Variants in PCNX3 observed in about 807,000 individuals in gnomAD.
PCNX3 encodes the protein pecanex-like protein 3.
A neutral mutation model predicts 207.2 loss-of-function variants in PCNX3; 58 were observed. The ratio of observed to expected loss-of-function variants is 0.28; its 90% confidence interval spans 0.23 to 0.35. The LOEUF (loss-of-function observed/expected upper bound fraction) is 0.35. Ranked by LOEUF, PCNX3 falls within the 10% of genes least tolerant of loss-of-function variation. The pLI, the probability that PCNX3 is intolerant of heterozygous loss-of-function variation, is 1.00. For missense variants in PCNX3, 2,410 were observed against 2,774.4 expected (o/e 0.87, Z 2.95); for synonymous variants, 1,337 against 1,183.5 (o/e 1.13, Z -2.66).
Position 65,617,088 on chromosome 11 carries a change from G to T in PCNX3, c.341+77G>T. 6.2e-6 allele frequency: 9 copies of T among 1,463,132 alleles called. No individual in the cohort carries two copies. In the African/African-American group the frequency reaches 7.0e-5, roughly 11 times the overall value. 90.6% of individuals were successfully genotyped at this position (1,463,132 alleles called of 1,614,324 possible). On this transcript the variant is annotated intron_variant, in intron 2 of 34. Coordinates refer to ENST00000355703, the MANE Select transcript of PCNX3 (RefSeq NM_032223.4). Reference sequence around the variant, plus strand: ...CGGAACCTTGCAGGGTGGAGTAGGGGCTTAGGGAACATTGGCTCTCTGAGT... The same window carrying T: ...CGGAACCTTGCAGGGTGGAGTAGGGTCTTAGGGAACATTGGCTCTCTGAGT...
intron 21 of PCNX3, 33 bp downstream of exon 21, chr11:65,627,081 A>G (rs1855431320): frequency 2.7e-6 from 4 of 1,465,480 alleles, no homozygotes; most frequent in Admixed American, 5.4e-5. Flanking sequence ...CGATCCCATC[A>G]TCCGCTTTCC....
rs373258038 is a variant in PCNX3, at chr11:65,618,634, T to G, written c.1272T>G (p.Thr424=). ...GGGGCTTCTTTGAGGATGAAGACAC[T>G]AGTGAGGGCAGTGAACTGAGCCCGG... ...EGGGFFEDED[T]SEGSELSPAS... Residue 424 remains threonine (T), a synonymous_variant, in exon 6 of 35, where the codon ACT becomes ACG. Coordinates refer to ENST00000355703, the MANE Select transcript of PCNX3 (RefSeq NM_032223.4). 9.9e-6 allele frequency: 16 copies of G among 1,612,792 alleles called. No individual in the cohort carries two copies. The African/African-American group carries it at 1.7e-4, about 18-fold the overall frequency.
intron 13 of PCNX3, 21 bp from the exon 14 acceptor site, chr11:65,624,171 GCTC>G: frequency 6.3e-7 from 1 of 1,592,348 alleles, no homozygotes; most frequent in Non-Finnish European, 8.5e-7. Context: ...GGGAGACCCA[GCTC>G]CTCATGGGCT....
intron 11 of PCNX3, among the ~76,000 whole-genome samples, chr11:65,622,749 C>A (rs1855175147): frequency 6.6e-6 from 1 of 151,992 alleles, no homozygotes; most frequent in Non-Finnish European, 1.5e-5. Context: ...GTGCCCGCCA[C>A]CACACCTGGC....
Position 65,616,428 on chromosome 11 carries a change from G to T in PCNX3, c.117G>T (p.Trp39Cys). 1.2e-6 allele frequency: 2 copies of T among 1,609,826 alleles called. No homozygotes were observed. ...TFSNCFHLYV[W>C]IFLLIFPFLL... is the part of the protein sequence containing the mutation. ...CCAACTGCTTCCACCTCTATGTCTGGATCTTCCTGCTCATCTTTCCCTTCT... is the reference window on the plus strand; with the variant it reads ...CCAACTGCTTCCACCTCTATGTCTGTATCTTCCTGCTCATCTTTCCCTTCT... Residue 39 changes from tryptophan (W) to cysteine (C), a missense_variant, in exon 1 of 35, where the codon TGG becomes TGT. Trp to Cys is a radical substitution (Grantham distance 215, BLOSUM62 -2). This residue lies in a region of PCNX3 where 1,104 missense variants were observed against 970.3 expected (regional missense o/e 1.14). Coordinates refer to ENST00000355703, the MANE Select transcript of PCNX3 (RefSeq NM_032223.4).
chr11:65,620,032 C>T (rs1434723335), intron 8 of PCNX3, 100 bp downstream of exon 8: 13 of 1,245,204 alleles, frequency 1.0e-5, no homozygotes, highest in Non-Finnish European at 1.4e-5. Flanking sequence ...GTGGCAGGTA[C>T]ACTGCTAATG....
chr11:65,621,095 AGG>A, intron 10 of PCNX3, 129 bp downstream of exon 10: 3 of 1,232,528 alleles, frequency 2.4e-6, no homozygotes, highest in Non-Finnish European at 3.3e-6. Context: ...TGAGCGCTCC[AGG>A]GGCCCTACTG....
intron 15 of PCNX3, 151 bp from the exon 16 acceptor site, chr11:65,624,774 A>C: frequency 2.1e-6 from 2 of 952,962 alleles, no homozygotes; most frequent in Non-Finnish European, 3.1e-6. Context: ...GAAGCTCTAA[A>C]GGCCGCTTGG....
intron 11 of PCNX3, 125 bp downstream of exon 11, chr11:65,622,491 G>A (rs1174319951): frequency 2.4e-6 from 3 of 1,259,710 alleles, no homozygotes; most frequent in Non-Finnish European, 3.2e-6. Context: ...CTGAGGGCCT[G>A]TCGTTGGCTG....
rs2135494533 is a variant in PCNX3 at position 65,637,168 on chromosome 11, C to A, written c.*190C>A. The A allele has an allele frequency of 3.1e-6, 2 of 650,984 alleles. No individual in the cohort carries two copies. The allele number at this position is 650,984 out of a possible 1,614,324, so 40.3% of individuals were successfully genotyped here. On this transcript the variant is annotated 3_prime_UTR_variant, in exon 35 of 35. Transcript: ENST00000355703. ...CTTGACCCCTGATCTCTCTCATCCC[C>A]AGTCCAGGGCCTGGGCTCCCCAGAT...
chr11:65,624,904 G>A (rs1314683972), intron 15 of PCNX3, 21 bp from the exon 16 acceptor site: 1 of 1,597,144 alleles, frequency 6.3e-7, no homozygotes, highest in Non-Finnish European at 8.5e-7. Context: ...GAGCTGGGCT[G>A]TACTTCTCCC....
At position 65,623,663 on chromosome 11, in the gene PCNX3, T is replaced by G; in HGVS notation, c.2511+19T>G. The G allele has an allele frequency of 6.2e-7, 1 of 1,607,376 alleles. No individual in the cohort carries two copies. Among genetic ancestry groups the G allele is most frequent in the Non-Finnish European group, 8.5e-7 (1 of 1,176,284 alleles). On this transcript the variant is annotated intron_variant, in intron 12 of 34. Transcript: ENST00000355703. The stretch of plus-strand genomic sequence containing the variant: ...GCTGAAGGTCAGGCCGGGCTCTCTG[T>G]GTTTCCTTCCCCACCCGACTTTTCC...
At position 65,629,662 on chromosome 11, in the gene PCNX3, C is replaced by T; in HGVS notation, c.4143C>T (p.Leu1381=). 1 of 1,583,952 alleles carries T rather than the reference C, an allele frequency of 6.3e-7. No homozygotes were observed. The highest frequency in any genetic ancestry group is 1.7e-4 in the Middle Eastern group (1 of 5,934). The change falls in exon 26 of 35, where the codon CTC becomes CTT. Residue 1381 remains leucine, a synonymous_variant. Coordinates refer to ENST00000355703, the MANE Select transcript of PCNX3 (RefSeq NM_032223.4). ...GDCFVLASDY[L]NALVHLIEVG... The stretch of plus-strand genomic sequence containing the variant: ...GCTTCGTCCTGGCCTCTGACTACCT[C>T]AACGCCCTGGTGCACCTCATCGAGG...
intron 15 of PCNX3, 24 bp downstream of exon 15, chr11:65,624,605 G>C (rs560771395): frequency 6.4e-7 from 1 of 1,558,214 alleles, no homozygotes; most frequent in Non-Finnish European, 8.7e-7. Context: ...AGGTGGCTCA[G>C]GGATGGGGCC....
chr11:65,628,770 G>T (rs779086920), intron 23 of PCNX3, 49 bp from the exon 24 acceptor site: 14 of 1,603,572 alleles, frequency 8.7e-6, no homozygotes, highest in East Asian at 4.5e-5. Flanking sequence ...GGGGGGTGGT[G>T]GGGGGCTGGG....
Position 65,625,526 on chromosome 11 carries a change from G to T in PCNX3, c.3135+16G>T, listed in dbSNP as rs941486334. On this transcript the variant is annotated intron_variant, in intron 18 of 34. Coordinates refer to ENST00000355703, the MANE Select transcript of PCNX3 (RefSeq NM_032223.4). The surrounding 1 kb of genome is among the most constrained non-coding windows in gnomAD (Gnocchi z 5.6). The stretch of plus-strand genomic sequence containing the variant: ...CCAGTCGGTGGTGAGGGGGCGGGGG[G>T]TGGGGGTCTGTGGGGAGGTGGTGAC... 17 of 1,577,796 alleles carry T rather than the reference G, an allele frequency of 1.1e-5. No individual in the cohort carries two copies. The highest frequency in any genetic ancestry group is 1.3e-5 in the Non-Finnish European group (15 of 1,164,952).
At chr11:65,633,143 T>C (rs938044844) in intron 27 of PCNX3, among the ~76,000 whole-genome samples, 2 of 152,206 alleles carry the variant, frequency 1.3e-5, no homozygotes, top group Admixed American at 6.5e-5. Flanking sequence ...GGGTCTGCCC[T>C]GGCAAAGGGC....
chr11:65,616,149 G>A lies in PCNX3; in HGVS notation c.-163G>A, dbSNP rs1854713489. The A allele has an allele frequency of 2.2e-6, 1 of 446,390 alleles. No individual in the cohort carries two copies. The highest frequency in any genetic ancestry group is 3.7e-6 in the Non-Finnish European group (1 of 270,756). 27.7% of individuals were successfully genotyped at this position (446,390 alleles called of 1,614,324 possible). On this transcript the variant is annotated 5_prime_UTR_variant, in exon 1 of 35. Coordinates refer to ENST00000355703, the MANE Select transcript of PCNX3 (RefSeq NM_032223.4). Reference sequence around the variant, plus strand: ...ACTGTCCCGGCCGGCCCCGCCCCCTGCTCGCACCCTCGCGCGGCCGAGCCC... The same window carrying A: ...ACTGTCCCGGCCGGCCCCGCCCCCTACTCGCACCCTCGCGCGGCCGAGCCC...
Position 65,618,733 on chromosome 11 carries a change from C to G in PCNX3, c.1371C>G (p.Ser457Arg). 6.2e-7 allele frequency: 1 copy of G among 1,612,542 alleles called. No homozygotes were observed. The highest frequency in any genetic ancestry group is 1.1e-5 in the South Asian group (1 of 91,058). ...CTACTTCCTGCTACTCCCCTGAGAG[C>G]TCCCGGGGTGCAGCAGGGGGACCCC... ...SSSTSCYSPE[S>R]SRGAAGGPRK... Residue 457 changes from serine (S) to arginine (R), a missense_variant, in exon 6 of 35, where the codon AGC (serine) becomes AGG (arginine). Ser to Arg is a moderately radical substitution (Grantham distance 110, BLOSUM62 -1). Around this residue, in one of 8 missense-constraint regions of PCNX3, gnomAD observed 1,104 missense variants for 970.3 expected, o/e 1.14. Transcript: ENST00000355703.
Sources: gnomAD v4.1 joint callset for allele counts (sites outside exome capture counted in the v4.1 genomes callset) on GRCh38, gnomAD v4.1.1 for gene constraint, gnomAD v4.1.1 regional missense constraint, Gnocchi (gnomAD v3.1) non-coding constraint, MANE v1.5 for transcripts, NCBI Gene and HGNC (gene_info 2026-07-23, HGNC 2026-07-21) for gene names.